The following RICTOR variants were observed in gnomAD, a reference collection of about 807,000 sequenced individuals.
The protein encoded by RICTOR is RPTOR independent companion of MTOR complex 2, also known as rapamycin-insensitive companion of mTOR.
In RICTOR, 49 loss-of-function variants were observed where a neutral mutation model predicts 214.9. That is an observed-to-expected ratio of 0.23 (90% CI 0.18 to 0.29). The LOEUF (loss-of-function observed/expected upper bound fraction) is 0.29, where lower values mean the gene tolerates loss of function less well. Ranked by LOEUF, RICTOR falls within the 10% of genes least tolerant of loss-of-function variation. The pLI is 1.00. For synonymous variants in RICTOR, 717 were observed against 711.3 expected, an observed-to-expected ratio of 1.01 and a Z score of -0.13; for missense variants, 1,625 against 2,047.0, an observed-to-expected ratio of 0.79 and a Z score of 3.98.
rs547361152 is a variant in RICTOR, at chr5:38,947,575, A to C, written c.4137-134T>G. 11 of 635,294 alleles carry C rather than the reference A, an allele frequency of 1.7e-5. No homozygotes were observed. In the East Asian group the frequency reaches 3.0e-4, roughly 17 times the overall value. The allele number at this position is 635,294 out of a possible 1,614,324, so 39.4% of individuals were successfully genotyped here. On this transcript the variant is annotated intron_variant, in intron 31 of 37. Transcript: ENST00000357387. The stretch of plus-strand genomic sequence containing the variant: ...TGTATTAAGCAGTGTCATCTTGTTT[A>C]CTGGCAACACATAAACACTTTAAAA...
chr5:38,990,001 G>A (rs892323101), intron 7 of RICTOR, among the ~76,000 whole-genome samples: 1 of 151,784 alleles, frequency 6.6e-6, no homozygotes, highest in Non-Finnish European at 1.5e-5. Flanking sequence ...TCATTACTGG[G>A]TATATTTACA....
At position 38,940,145 on chromosome 5, in the gene RICTOR, A is replaced by AC; in HGVS notation, c.*2158_*2159insG. On this transcript the variant is annotated 3_prime_UTR_variant, in exon 38 of 38. Transcript: ENST00000357387. Reference sequence around the variant, plus strand: ...AAAGTAACAGTAAAAAAAAAAAACAAAAAAAAAAACACAAAACATTCAGGC... The same window carrying AC: ...AAAGTAACAGTAAAAAAAAAAAACAACAAAAAAAAACACAAAACATTCAGGC... 8.6e-6 allele frequency: 1 copy of AC among 115,864 alleles called. No homozygotes were observed. The highest frequency in any genetic ancestry group is 1.2e-4 in the Admixed American group (1 of 8,234). 7.2% of individuals were successfully genotyped at this position (115,864 alleles called of 1,614,324 possible).
intron 13 of RICTOR, 21 bp downstream of exon 13, chr5:38,967,316 C>G (rs372163123): frequency 3.1e-6 from 5 of 1,601,322 alleles, no homozygotes; most frequent in Non-Finnish European, 4.3e-6. Flanking sequence ...AAATTGAAAC[C>G]CTTTTTATTT....
At chr5:38,990,635 C>CAGATATATGATATATA (rs1561501619) in intron 7 of RICTOR, among the ~76,000 whole-genome samples, 7 of 46,054 alleles carry the variant, frequency 1.5e-4, no homozygotes, top group East Asian at 5.2e-4. Flanking sequence ...ATATATATAT[C>CAGATATATGATATATA]TGACATATAT....
Position 38,940,199 on chromosome 5 carries a change from A to G in RICTOR, c.*2105T>C, listed in dbSNP as rs1747405769. On this transcript the variant is annotated 3_prime_UTR_variant, in exon 38 of 38. Coordinates refer to ENST00000357387, the MANE Select transcript of RICTOR (RefSeq NM_152756.5). ...TACTAACTAAGCCTTATTTCAGGAT[A>G]GATGACCAAGGTGAGGGTACAGGGA... The G allele has an allele frequency of 4.3e-6, 1 of 230,648 alleles. No homozygotes were observed. Among genetic ancestry groups the G allele is most frequent in the Non-Finnish European group, 8.6e-6 (1 of 116,648 alleles). The allele number at this position is 230,648 out of a possible 1,614,324, so 14.3% of individuals were successfully genotyped here. A position where few individuals can be genotyped will look rare whatever the true frequency, so the allele number is the denominator to read the frequency against.
rs910867605 is a variant in RICTOR at position 38,940,481 on chromosome 5, A to G, written c.*1823T>C. The stretch of plus-strand genomic sequence containing the variant: ...GTTTAGTTATCCAAGACCAAAGACC[A>G]CGATGACAGGCAACGTTCTTAGAAG... On this transcript the variant is annotated 3_prime_UTR_variant, in exon 38 of 38. Transcript: ENST00000357387. The G allele has an allele frequency of 9.4e-5, 22 of 232,828 alleles. No homozygotes were observed. Among genetic ancestry groups the G allele is most frequent in the Non-Finnish European group, 1.6e-4 (19 of 117,608 alleles). 14.4% of individuals were successfully genotyped at this position (232,828 alleles called of 1,614,324 possible). A position where few individuals can be genotyped will look rare whatever the true frequency, so the allele number is the denominator to read the frequency against.
intron 7 of RICTOR, among the ~76,000 whole-genome samples, chr5:38,989,995 T>G (rs1481982182): frequency 6.6e-6 from 1 of 152,032 alleles, no homozygotes; most frequent in Non-Finnish European, 1.5e-5. Flanking sequence ...GCAATCTCAT[T>G]ACTGGGTATA....
intron 2 of RICTOR, among the ~76,000 whole-genome samples, chr5:39,023,946 T>C (rs896029435): frequency 1.3e-5 from 2 of 152,210 alleles, no homozygotes; most frequent in African/African-American, 2.4e-5. Flanking sequence ...TTAAGTGATT[T>C]AGTGTGGCAG....
At chr5:38,974,732 T>C (rs1220239208) in intron 10 of RICTOR, among the ~76,000 whole-genome samples, 1 of 152,200 alleles carries the variant, frequency 6.6e-6, no homozygotes, top group Non-Finnish European at 1.5e-5. Flanking sequence ...ACCAAGCTGC[T>C]AAGAGATCAG....
chr5:39,019,249 G>C (rs965013618), intron 3 of RICTOR, among the ~76,000 whole-genome samples: 1 of 152,188 alleles, frequency 6.6e-6, no homozygotes, highest in African/African-American at 2.4e-5. Context: ...ATACTGCTAA[G>C]ATCACTGACC....
At chr5:39,054,964 T>C (rs897634288) in intron 2 of RICTOR, among the ~76,000 whole-genome samples, 3 of 152,188 alleles carry the variant, frequency 2.0e-5, no homozygotes, top group Admixed American at 6.5e-5. Context: ...ACTACTTCAG[T>C]TTCAAGTGAT....
At chr5:39,002,757 T>C (rs1753737568) in intron 4 of RICTOR, 91 bp from the exon 5 acceptor site, 5 of 1,324,910 alleles carry the variant, frequency 3.8e-6, no homozygotes, top group South Asian at 2.9e-5. Flanking sequence ...AGCCAAAATA[T>C]GCAAAAATTC....
At chr5:38,960,879 T>C (rs1749737751) in intron 19 of RICTOR, among the ~76,000 whole-genome samples, 1 of 152,152 alleles carries the variant, frequency 6.6e-6, no homozygotes, top group Non-Finnish European at 1.5e-5. Context: ...CCCTGTGCTC[T>C]GTACTTCTCT....
At chr5:39,050,553 T>C (rs1221268686) in intron 2 of RICTOR, among the ~76,000 whole-genome samples, 1 of 152,046 alleles carries the variant, frequency 6.6e-6, no homozygotes, top group African/African-American at 2.4e-5. Flanking sequence ...CCCAGGCTGG[T>C]CTCAAACTCC....
intron 2 of RICTOR, among the ~76,000 whole-genome samples, chr5:39,050,189 T>C (rs890546933): frequency 5.4e-5 from 8 of 148,582 alleles, no homozygotes; most frequent in South Asian, 2.1e-4. Flanking sequence ...TATAAACAAA[T>C]AAATAAATAA....
intron 2 of RICTOR, among the ~76,000 whole-genome samples, chr5:39,023,297 T>C (rs770390980): frequency 6.7e-6 from 1 of 149,896 alleles, no homozygotes; most frequent in Non-Finnish European, 1.5e-5. Context: ...TCAAAACCAC[T>C]GACAGAGAAA....
At chr5:38,972,597 T>G (rs1750876050) in intron 10 of RICTOR, among the ~76,000 whole-genome samples, 1 of 152,002 alleles carries the variant, frequency 6.6e-6, no homozygotes, top group African/African-American at 2.4e-5. Context: ...AATTAAAGAC[T>G]CACAACACCA....
intron 2 of RICTOR, among the ~76,000 whole-genome samples, chr5:39,023,697 A>G (rs895483577): frequency 1.3e-5 from 2 of 152,220 alleles, no homozygotes; most frequent in African/African-American, 4.8e-5. Context: ...ACTGTTTTGA[A>G]TTAGTGTTTT....
intron 3 of RICTOR, among the ~76,000 whole-genome samples, chr5:39,005,984 A>T (rs549518842): frequency 6.6e-6 from 1 of 152,352 alleles, no homozygotes; most frequent in Admixed American, 6.5e-5. Flanking sequence ...TTCTCATCCC[A>T]GGTAGCCCCA....
Sources: gnomAD v4.1 joint callset for allele counts (sites outside exome capture counted in the v4.1 genomes callset) on GRCh38, gnomAD v4.1.1 for gene constraint, MANE v1.5 for transcripts, NCBI Gene and HGNC (gene_info 2026-07-23, HGNC 2026-07-21) for gene names.